NEDD4L: variants seen among roughly 807,000 people sequenced by gnomAD.
NEDD4L encodes the protein E3 ubiquitin-protein ligase NEDD4-like.
A neutral mutation model predicts 148.9 loss-of-function variants in NEDD4L; 54 were observed. The observed-to-expected ratio is 0.36, with a 90% CI of 0.29 to 0.45. The LOEUF is 0.45. Ranked by LOEUF, NEDD4L falls within the 20% of genes least tolerant of loss-of-function variation. NEDD4L has a pLI of 1.00. For missense variants in NEDD4L, 856 were observed against 1,233.8 expected, an observed-to-expected ratio of 0.69 and a Z score of 4.59; for synonymous variants, 433 against 440.7, an observed-to-expected ratio of 0.98 and a Z score of 0.22.
chr18:58,338,637 C>T (rs896857916), intron 13 of NEDD4L, among the ~76,000 whole-genome samples: 8 of 152,104 alleles, frequency 5.3e-5, no homozygotes, highest in African/African-American at 1.7e-4. Flanking sequence ...CCTGTATGGC[C>T]AGGTGCAGTG....
At chr18:58,328,629 G>C (rs552531629) in intron 9 of NEDD4L, among the ~76,000 whole-genome samples, 1 of 152,330 alleles carries the variant, frequency 6.6e-6, no homozygotes, top group African/African-American at 2.4e-5. Context: ...CCCAGCTGCT[G>C]TGTGAACTTG....
At chr18:58,049,292 C>A (rs1394653435) in intron 1 of NEDD4L, among the ~76,000 whole-genome samples, 1 of 152,234 alleles carries the variant, frequency 6.6e-6, no homozygotes, top group Non-Finnish European at 1.5e-5. Flanking sequence ...TAGATCATAG[C>A]CAACTGGATG....
chr18:58,266,089 A>G (rs750077361), intron 5 of NEDD4L, among the ~76,000 whole-genome samples: 1 of 152,130 alleles, frequency 6.6e-6, no homozygotes, highest in Non-Finnish European at 1.5e-5. Context: ...TTTAGCAACA[A>G]AAAGGGAAAT....
At chr18:58,179,249 A>G (rs539733538) in intron 2 of NEDD4L, among the ~76,000 whole-genome samples, 1 of 152,258 alleles carries the variant, frequency 6.6e-6, no homozygotes, top group South Asian at 2.1e-4. Flanking sequence ...TCTTGAAGTG[A>G]GACTTCACCC....
At chr18:58,356,780 G>C (rs2145811571) in intron 18 of NEDD4L, among the ~76,000 whole-genome samples, 1 of 152,260 alleles carries the variant, frequency 6.6e-6, no homozygotes, top group East Asian at 1.9e-4. Context: ...AAAAGTATTT[G>C]AAATGAGAAA....
intron 1 of NEDD4L, among the ~76,000 whole-genome samples, chr18:58,112,444 A>G (rs867456136): frequency 1.3e-5 from 2 of 150,472 alleles, no homozygotes; most frequent in South Asian, 4.2e-4. Context: ...TAAACTATCA[A>G]TTGTATTTTC....
chr18:58,286,762 G>T (rs1246934784), intron 5 of NEDD4L, among the ~76,000 whole-genome samples: 1 of 152,162 alleles, frequency 6.6e-6, no homozygotes. Flanking sequence ...GAATTTAATT[G>T]AATATTAAAC....
In NEDD4L at chr18:58,082,100, ATATTTTT is replaced by A. The variant is rs1456893962; in HGVS notation, c.48+37394_48+37400del. 4.2e-5 allele frequency among the ~76,000 whole-genome samples: 3 copies of A among 72,240 alleles called. No individual in the cohort carries two copies. In the East Asian group the frequency reaches 9.9e-4, roughly 24 times the overall value. 47.4% of individuals were successfully genotyped at this position (72,240 alleles called of 152,430 possible). A position where few individuals can be genotyped will look rare whatever the true frequency, so the allele number is the denominator to read the frequency against. On this transcript the variant is annotated intron_variant, in intron 1 of 30. Transcript: ENST00000400345. ...GATGAATATATATATATATATATAT[ATATTTTT>A]TTTTTTTTTTTTTTCTTGAGATGGA...
intron 5 of NEDD4L, among the ~76,000 whole-genome samples, chr18:58,274,330 G>C (rs1021339664): frequency 1.2e-4 from 18 of 152,330 alleles, no homozygotes; most frequent in African/African-American, 4.3e-4. Context: ...CCAAAAGAGA[G>C]AGTGTACTTA....
At chr18:58,361,973 AG>A (rs1379666441) in intron 19 of NEDD4L, among the ~76,000 whole-genome samples, 4 of 152,240 alleles carry the variant, frequency 2.6e-5, no homozygotes, top group Admixed American at 2.0e-4. Context: ...GTTTTCAGGA[AG>A]AGAATGTAAA....
rs558527118 is a variant in NEDD4L, at chr18:58,379,480, G to A, written c.2353-3766G>A. 2.6e-4 allele frequency among the ~76,000 whole-genome samples: 39 copies of A among 152,290 alleles called. 2 individuals carry two copies. In the South Asian group the frequency reaches 6.8e-3, roughly 27 times the overall value. On this transcript the variant is annotated intron_variant, in intron 24 of 30. Coordinates refer to ENST00000400345, the MANE Select transcript of NEDD4L (RefSeq NM_001144967.3). ...CTGATGTTAAGAAGGGACAAATTTG[G>A]GCGAAAGGAGAACACAGGCTGTAGT... is the stretch of plus-strand genomic sequence containing the variant.
intron 1 of NEDD4L, among the ~76,000 whole-genome samples, chr18:58,103,660 G>A (rs1458279237): frequency 2.0e-5 from 3 of 152,152 alleles, no homozygotes; most frequent in South Asian, 2.1e-4. Context: ...ACCAAAAATC[G>A]AGAGGGAATT....
At chr18:58,362,245 A>G (rs894970418) in intron 19 of NEDD4L, among the ~76,000 whole-genome samples, 1 of 152,252 alleles carries the variant, frequency 6.6e-6, no homozygotes, top group African/African-American at 2.4e-5. Flanking sequence ...TCGAACTTGC[A>G]TACACAGTGA....
At chr18:58,234,071 TTC>T (rs1294681240) in intron 2 of NEDD4L, among the ~76,000 whole-genome samples, 1 of 90,032 alleles carries the variant, frequency 1.1e-5, no homozygotes, top group Admixed American at 1.2e-4. Flanking sequence ...CTTTCTTTCT[TTC>T]TTTCTTTCTT....
intron 1 of NEDD4L, among the ~76,000 whole-genome samples, chr18:58,069,511 T>G (rs1599049838): frequency 6.6e-6 from 1 of 152,262 alleles, no homozygotes; most frequent in African/African-American, 2.4e-5. Flanking sequence ...TTTGGCTGGA[T>G]AGAGGGCAGT....
intron 5 of NEDD4L, among the ~76,000 whole-genome samples, chr18:58,299,994 T>C (rs1310824552): frequency 6.6e-6 from 1 of 152,204 alleles, no homozygotes; most frequent in Non-Finnish European, 1.5e-5. Context: ...ACCATAAGAA[T>C]TGGAGGTTTT....
intron 1 of NEDD4L, among the ~76,000 whole-genome samples, chr18:58,130,895 T>A (rs553643038): frequency 4.5e-4 from 61 of 134,580 alleles, no homozygotes; most frequent in African/African-American, 1.7e-3. Flanking sequence ...TCTGTTGGGG[T>A]TTGGTTGTGA....
At chr18:58,105,431 C>T (rs473776) in intron 1 of NEDD4L, among the ~76,000 whole-genome samples, 10,803 of 152,150 alleles carry the variant, frequency 0.071, 492 homozygotes, top group African/African-American at 0.12. Context: ...TAGTCATTCT[C>T]GAGACTCCTG....
chr18:58,297,500 T>C (rs949045080), intron 5 of NEDD4L, among the ~76,000 whole-genome samples: 1 of 152,190 alleles, frequency 6.6e-6, no homozygotes, highest in African/African-American at 2.4e-5. Flanking sequence ...TGTGTAAAAT[T>C]AGTCATAAGA....
Sources: gnomAD v4.1 joint callset for allele counts (sites outside exome capture counted in the v4.1 genomes callset) on GRCh38, gnomAD v4.1.1 for gene constraint, MANE v1.5 for transcripts, NCBI Gene and HGNC (gene_info 2026-07-23, HGNC 2026-07-21) for gene names.